Variants in GPATCH1 observed in about 807,000 individuals in gnomAD.
GPATCH1 encodes the protein G patch domain-containing protein 1.
Under a neutral mutation model 114.9 loss-of-function variants are expected in GPATCH1, and 73 were observed. The observed-to-expected ratio is 0.64, with a 90% CI of 0.53 to 0.77. The LOEUF is 0.77. GPATCH1 is among the 30% of genes least tolerant of loss of function. The probability of loss-of-function intolerance (pLI) is 0.00; values close to 1 mark genes in which losing one functional copy is unlikely to be tolerated. For synonymous variants in GPATCH1, 391 were observed against 428.4 expected (o/e 0.91, Z 1.08); for missense variants, 1,058 against 1,144.3 (o/e 0.92, Z 1.09).
At chr19:33,112,374 T>C (rs1972865491) in intron 12 of GPATCH1, 112 bp from the exon 13 acceptor site, 2 of 1,203,072 alleles carry the variant, frequency 1.7e-6, no homozygotes, top group Admixed American at 2.0e-5. Context: ...ATAAATGTTA[T>C]AGCACAAACT....
intron 9 of GPATCH1, 118 bp from the exon 10 acceptor site, chr19:33,106,577 T>A: frequency 2.6e-6 from 2 of 764,092 alleles, no homozygotes; most frequent in Non-Finnish European, 4.4e-6. Flanking sequence ...ACCTGCCTGC[T>A]GAGTGTTAAC....
At chr19:33,085,204 C>T (rs567850318) in intron 1 of GPATCH1, among the ~76,000 whole-genome samples, 24 of 152,116 alleles carry the variant, frequency 1.6e-4, no homozygotes, top group Non-Finnish European at 3.2e-4. Flanking sequence ...CATGGCAAGG[C>T]CCTCATCAAC....
rs1175557455 is a variant in GPATCH1 at position 33,081,221 on chromosome 19, G to T, written c.28G>T (p.Glu10Ter). 1 of 1,551,816 alleles carries T rather than the reference G, an allele frequency of 6.4e-7. No homozygotes were observed. Among genetic ancestry groups the T allele is most frequent in the Non-Finnish European group, 8.7e-7 (1 of 1,147,074 alleles). Residue 10 changes from glutamate to a stop codon, truncating the protein, a stop_gained, in exon 1 of 20, where the codon GAA becomes TAA. Transcript: ENST00000170564. LOFTEE classifies it high-confidence loss of function. The stretch of plus-strand genomic sequence containing the variant: ...GGCGGCGCGGGACAGTGACAGCGAA[G>T]AAGATCTGGTCAGCTATGGGACCGG... MAARDSDSE[E>*]DLVSYGTGLE... is the part of the protein sequence containing the mutation.
At chr19:33,127,149 A>T (rs1272701108) in intron 19 of GPATCH1, among the ~76,000 whole-genome samples, 5 of 151,878 alleles carry the variant, frequency 3.3e-5, no homozygotes, top group Non-Finnish European at 7.4e-5. Flanking sequence ...AGAAAAAAAA[A>T]AATGTGTGTA....
intron 5 of GPATCH1, among the ~76,000 whole-genome samples, chr19:33,094,837 G>A (rs1972637601): frequency 1.3e-5 from 2 of 152,134 alleles, no homozygotes; most frequent in African/African-American, 4.8e-5. Context: ...TACTCATTGA[G>A]CACATTACTG....
chr19:33,106,940 C>A, intron 10 of GPATCH1, 41 bp downstream of exon 10: 4 of 1,485,726 alleles, frequency 2.7e-6, no homozygotes, highest in Admixed American at 1.8e-5. Context: ...TCACATAATT[C>A]GAGTTATCAA....
At position 33,097,757 on chromosome 19, in the gene GPATCH1, T is replaced by A; in HGVS notation, c.855T>A (p.Ala285=). The A allele has an allele frequency of 6.2e-7, 1 of 1,613,574 alleles. No homozygotes were observed. Among genetic ancestry groups the A allele is most frequent in the South Asian group, 1.1e-5 (1 of 91,068 alleles). ...TTTGAAACCTTGTTTTTTTAAAGGC[T>A]TTTGGTGTAGGTGCCCTGGAAGAGG... ...KGRKLGISGQ[A]FGVGALEEED... The change falls in exon 8 of 20, where the codon GCT becomes GCA. Residue 285 remains alanine, a splice_region_variant and synonymous_variant. Coordinates refer to ENST00000170564, the MANE Select transcript of GPATCH1 (RefSeq NM_018025.3).
At position 33,120,334 on chromosome 19, in the gene GPATCH1, T is replaced by G. The variant is rs1300239101; in HGVS notation, c.2521+1217T>G. ...TATACATAAAAATGATATATAAAAT[T>G]ATATATAAAATTATATATTTTTATA... On this transcript the variant is annotated intron_variant, in intron 17 of 19. Coordinates refer to ENST00000170564, the MANE Select transcript of GPATCH1 (RefSeq NM_018025.3). Among the ~76,000 whole-genome samples the G allele has an allele frequency of 8.8e-3, 1,273 of 144,282 alleles. 20 individuals carry two copies. Among genetic ancestry groups the G allele is most frequent in the African/African-American group, 0.029 (1,167 of 39,726 alleles). The allele number at this position is 144,282 out of a possible 152,430, so 94.7% of individuals were successfully genotyped here. A position where few individuals can be genotyped will look rare whatever the true frequency, so the allele number is the denominator to read the frequency against.
intron 11 of GPATCH1, among the ~76,000 whole-genome samples, chr19:33,110,866 A>G (rs1205393834): frequency 6.6e-6 from 1 of 151,672 alleles, no homozygotes; most frequent in East Asian, 1.9e-4. Context: ...TCATGCCTGT[A>G]ATCCAAGTAC....
At position 33,111,886 on chromosome 19, in the gene GPATCH1, T is replaced by C. The variant is rs1254560177; in HGVS notation, c.1748T>C (p.Val583Ala). 1 of 1,613,918 alleles carries C rather than the reference T, an allele frequency of 6.2e-7. No individual in the cohort carries two copies. The highest frequency in any genetic ancestry group is 1.1e-5 in the South Asian group (1 of 91,076). The stretch of plus-strand genomic sequence containing the variant: ...GAGGATGACTCAGATCAGGTTGAAG[T>C]CCCTCGAGACCAAGAGGTCTGTTGT... ...KEEDDSDQVE[V>A]PRDQENDVGD... Residue 583 changes from valine (V) to alanine (A), a missense_variant, in exon 12 of 20, where the codon GTC becomes GCC. Transcript: ENST00000170564.
chr19:33,110,847 G>A (rs931210726), intron 11 of GPATCH1, among the ~76,000 whole-genome samples: 9 of 151,562 alleles, frequency 5.9e-5, no homozygotes, highest in Non-Finnish European at 1.3e-4. Flanking sequence ...TTTGGCTGGG[G>A]ATGGTGGCTC....
intron 10 of GPATCH1, among the ~76,000 whole-genome samples, chr19:33,108,967 C>A (rs1432032653): frequency 6.6e-6 from 1 of 152,192 alleles, no homozygotes; most frequent in African/African-American, 2.4e-5. Context: ...TGCCTGTAGT[C>A]CCAGAACTTT....
At chr19:33,122,153 G>T (rs776342629) in intron 17 of GPATCH1, among the ~76,000 whole-genome samples, 3 of 151,614 alleles carry the variant, frequency 2.0e-5, no homozygotes, top group African/African-American at 4.8e-5. Context: ...GGAGTAACTG[G>T]GATTACAGGT....
chr19:33,127,519 TAAAA>T (rs60093662), intron 19 of GPATCH1, among the ~76,000 whole-genome samples: 1 of 106,440 alleles, frequency 9.4e-6, no homozygotes. Flanking sequence ...CTTGTCTCAA[TAAAA>T]AAAAAAAAAA....
chr19:33,119,066 A>G lies in GPATCH1; in HGVS notation c.2470A>G (p.Ile824Val), dbSNP rs1296544974. ...PPSFPIQKMQ[I>V]DEREEFGPRL... is the part of the protein sequence containing the mutation. ...TTCCTTCCCGATACAAAAGATGCAG[A>G]TAGATGAAAGAGAAGAGTTCGGCCC... Residue 824 changes from isoleucine to valine, a missense_variant, in exon 17 of 20, where the codon ATA becomes GTA. Coordinates refer to ENST00000170564, the MANE Select transcript of GPATCH1 (RefSeq NM_018025.3). 2.5e-6 allele frequency: 4 copies of G among 1,613,384 alleles called. No individual in the cohort carries two copies. In the African/African-American group the frequency reaches 4.0e-5, roughly 16 times the overall value.
At chr19:33,085,271 G>A (rs1025446680) in intron 1 of GPATCH1, among the ~76,000 whole-genome samples, 14 of 152,044 alleles carry the variant, frequency 9.2e-5, no homozygotes, top group Admixed American at 7.9e-4. Context: ...GAGTACAGTG[G>A]CATGATTATG....
At chr19:33,093,571 G>C (rs1310763084) in intron 4 of GPATCH1, 52 bp downstream of exon 4, 1 of 1,506,934 alleles carries the variant, frequency 6.6e-7, no homozygotes, top group Non-Finnish European at 9.1e-7. Flanking sequence ...TTTTGCATAT[G>C]TGTGATTCTC....
At chr19:33,112,114 C>T (rs1185298716) in intron 12 of GPATCH1, among the ~76,000 whole-genome samples, 1 of 151,988 alleles carries the variant, frequency 6.6e-6, no homozygotes, top group Non-Finnish European at 1.5e-5. Flanking sequence ...TACAGGCGCT[C>T]GCCACAACAG....
At chr19:33,124,859 G>A (rs1973022474) in intron 17 of GPATCH1, among the ~76,000 whole-genome samples, 1 of 152,130 alleles carries the variant, frequency 6.6e-6, no homozygotes, top group East Asian at 1.9e-4. Flanking sequence ...GGTCACGGCA[G>A]GATACTGATT....
Sources: gnomAD v4.1 joint callset for allele counts (sites outside exome capture counted in the v4.1 genomes callset) on GRCh38, gnomAD v4.1.1 for gene constraint, MANE v1.5 for transcripts, NCBI Gene and HGNC (gene_info 2026-07-23, HGNC 2026-07-21) for gene names.